IRAG2: variants seen among roughly 807,000 people sequenced by gnomAD.
IRAG2 encodes the protein lymphoid restricted membrane protein.
In IRAG2, 45 loss-of-function variants were observed where a neutral mutation model predicts 69.9. That is an observed-to-expected ratio of 0.64 (90% CI 0.51 to 0.83). The LOEUF (loss-of-function observed/expected upper bound fraction) is 0.83. Among genes scored for constraint, IRAG2 ranks in the 40% least tolerant of loss-of-function variants. IRAG2 has a pLI of 0.00. For missense variants in IRAG2, 520 were observed against 587.0 expected (o/e 0.89, Z 1.18); for synonymous variants, 193 against 202.4 (o/e 0.95, Z 0.40).
At position 25,101,059 on chromosome 12, in the gene IRAG2, AC is replaced by A. The variant is rs1057338789; in HGVS notation, c.742-118del. 2.2e-5 allele frequency: 17 copies of A among 780,304 alleles called. 2 individuals carry two copies. Among genetic ancestry groups the A allele is most frequent in the South Asian group, 5.5e-5 (2 of 36,148 alleles). 48.3% of individuals were successfully genotyped at this position (780,304 alleles called of 1,614,324 possible). On this transcript the variant is annotated intron_variant, in intron 15 of 21. Coordinates refer to ENST00000556887, the MANE Select transcript of IRAG2 (RefSeq NM_001366544.2). ...AGATGCATGTCTTTTTAAAAAAAAA[AC>A]ATTTATTGCCACTTTAGTGGGATTT...
At chr12:25,061,463 T>C in intron 1 of IRAG2, 129 bp from the exon 2 acceptor site, 1 of 393,754 alleles carries the variant, frequency 2.5e-6, no homozygotes, top group Non-Finnish European at 4.5e-6. Context: ...AGGCAGAGTT[T>C]GCAGTGAGGT....
chr12:25,058,826 T>C (rs1945431247), intron 1 of IRAG2, among the ~76,000 whole-genome samples: 1 of 152,194 alleles, frequency 6.6e-6, no homozygotes, highest in Non-Finnish European at 1.5e-5. Context: ...TACTTCCTTC[T>C]ATATGAAGCA....
chr12:25,076,948 T>C (rs1946725892), intron 6 of IRAG2, among the ~76,000 whole-genome samples: 1 of 151,310 alleles, frequency 6.6e-6, no homozygotes, highest in African/African-American at 2.4e-5. Flanking sequence ...TGATCACAGC[T>C]CACTGCAACC....
chr12:25,053,450 T>C (rs1944992124), intron 1 of IRAG2, among the ~76,000 whole-genome samples: 1 of 152,108 alleles, frequency 6.6e-6, no homozygotes, highest in Non-Finnish European at 1.5e-5. Flanking sequence ...GTGAAAATTC[T>C]TTTAAAGTTT....
intron 13 of IRAG2, 108 bp downstream of exon 13, chr12:25,089,898 G>C: frequency 7.5e-7 from 1 of 1,333,114 alleles, no homozygotes; most frequent in East Asian, 2.3e-5. Context: ...TGTCTGTTTG[G>C]CTTGGCTGTG....
intron 7 of IRAG2, among the ~76,000 whole-genome samples, chr12:25,023,607 G>T (rs12817018): frequency 0.17 from 26,470 of 152,136 alleles, 2,912 homozygotes; most frequent in South Asian, 0.37. Flanking sequence ...AAGCCAGGTT[G>T]TTACTTTTTT....
At chr12:25,090,729 GGA>G (rs1456921593) in intron 14 of IRAG2, 1 of 388,416 alleles carries the variant, frequency 2.6e-6, no homozygotes, top group Non-Finnish European at 5.1e-6. Context: ...TTCACTAATA[GGA>G]GAGTATCAGC....
chr12:25,072,269 C>A (rs936565234), intron 6 of IRAG2, among the ~76,000 whole-genome samples: 2 of 152,066 alleles, frequency 1.3e-5, no homozygotes, highest in African/African-American at 4.8e-5. Flanking sequence ...CACAATCGAG[C>A]CTCCAGTCAC....
intron 6 of IRAG2, among the ~76,000 whole-genome samples, chr12:25,018,295 G>A (rs1161450238): frequency 6.9e-6 from 1 of 144,122 alleles, no homozygotes; most frequent in Non-Finnish European, 1.5e-5. Context: ...CCGTCTCCTA[G>A]GCTCAAGTGA....
intron 1 of IRAG2, among the ~76,000 whole-genome samples, chr12:25,059,366 CCT>C (rs1258202194): frequency 2.6e-5 from 4 of 151,202 alleles, no homozygotes; most frequent in Non-Finnish European, 5.9e-5. Context: ...TTTTTTTTCC[CCT>C]GAGACAGAGT....
intron 13 of IRAG2, chr12:25,035,486 A>G (rs1165854649): frequency 2.0e-5 from 8 of 393,996 alleles, no homozygotes; most frequent in African/African-American, 1.2e-4. Flanking sequence ...CATCCCAGAG[A>G]GAAAATATCA....
At chr12:25,052,980 G>T in intron 1 of IRAG2, 24 bp downstream of exon 1, 1 of 398,462 alleles carries the variant, frequency 2.5e-6, no homozygotes, top group South Asian at 1.3e-4. Context: ...ATTCATTTAT[G>T]ACCCAGTTTT....
At chr12:25,090,274 TTGGGAGGCCAAGGCAGGAGGATCA>T (rs1427274348) in intron 14 of IRAG2, 77 bp downstream of exon 14, 3 of 1,394,610 alleles carry the variant, frequency 2.2e-6, no homozygotes, top group Non-Finnish European at 3.0e-6. Flanking sequence ...TCCCTGCACT[TTGGGAGGCCAAGGCAGGAGGATCA>T]TGGGAGACCA....
intron 20 of IRAG2, among the ~76,000 whole-genome samples, chr12:25,106,288 C>A (rs1240847375): frequency 2.0e-5 from 3 of 149,966 alleles, no homozygotes; most frequent in Non-Finnish European, 3.0e-5. Flanking sequence ...CACATACACA[C>A]ACGCACACAC....
At chr12:25,013,866 CTTTTTTTTT>C (rs71063386) in intron 3 of IRAG2, among the ~76,000 whole-genome samples, 8 of 79,530 alleles carry the variant, frequency 1.0e-4, no homozygotes, top group Admixed American at 1.9e-4. Context: ...TTTTCTTTTT[CTTTTTTTTT>C]TTTTTTTTTT....
chr12:25,088,107 A>G lies in IRAG2; in HGVS notation c.323A>G (p.Lys108Arg). 6.2e-7 allele frequency: 1 copy of G among 1,612,228 alleles called. No individual in the cohort carries two copies. Among genetic ancestry groups the G allele is most frequent in the South Asian group, 1.1e-5 (1 of 91,044 alleles). The change falls in exon 11 of 22, where the codon AAA becomes AGA. Residue 108 changes from lysine (K) to arginine (R), a missense_variant. Transcript: ENST00000556887. Reference protein sequence around the residue: ...KDKTILNLEAKEEPETIEEHK... With the variant: ...KDKTILNLEAREEPETIEEHK... Reference sequence around the variant, plus strand: ...AAAATCTTATGATTTTAGGAAGCCAAAGAGGAACCAGAAACAATAGAAGAA... The same window carrying G: ...AAAATCTTATGATTTTAGGAAGCCAGAGAGGAACCAGAAACAATAGAAGAA...
chr12:25,010,089 A>G (rs865786291), intron 2 of IRAG2, among the ~76,000 whole-genome samples: 1 of 152,244 alleles, frequency 6.6e-6, no homozygotes, highest in Non-Finnish European at 1.5e-5. Context: ...TAGTTTTGAT[A>G]TGACAGAGGG....
At chr12:25,046,672 T>G (rs1944797142) in intron 16 of IRAG2, among the ~76,000 whole-genome samples, 1 of 152,068 alleles carries the variant, frequency 6.6e-6, no homozygotes, top group Non-Finnish European at 1.5e-5. Flanking sequence ...TGAGAGAAAT[T>G]AAAGAAGACA....
Position 25,077,591 on chromosome 12 carries a change from T to C in IRAG2, c.25-1653T>C, listed in dbSNP as rs1946917697. 2.6e-5 allele frequency among the ~76,000 whole-genome samples: 4 copies of C among 151,938 alleles called. No individual in the cohort carries two copies. In the South Asian group the frequency reaches 8.3e-4, roughly 31 times the overall value. ...ACTTTCCTCTGTGGCATGCTGCTTA[T>C]AAATTGTAGAGTAGGATTTGTATTA... On this transcript the variant is annotated intron_variant, in intron 6 of 21. Transcript: ENST00000556887.
Sources: gnomAD v4.1 joint callset for allele counts (sites outside exome capture counted in the v4.1 genomes callset) on GRCh38, gnomAD v4.1.1 for gene constraint, MANE v1.5 for transcripts, NCBI Gene and HGNC (gene_info 2026-07-23, HGNC 2026-07-21) for gene names.